ROBO2: variants seen among roughly 807,000 people sequenced by gnomAD.
ROBO2 encodes roundabout guidance receptor 2.
Under a neutral mutation model 160.8 loss-of-function variants are expected in ROBO2, and 53 were observed. That is an observed-to-expected ratio of 0.33 (90% CI 0.26 to 0.41). The LOEUF is 0.41. ROBO2 is among the 10% of genes least tolerant of loss of function. The pLI is 1.00. For synonymous variants in ROBO2, 664 were observed against 611.7 expected (o/e 1.09, Z -1.26); for missense variants, 1,577 against 1,722.4 (o/e 0.92, Z 1.49).
intron 2 of ROBO2, among the ~76,000 whole-genome samples, chr3:76,884,311 A>G (rs2073663258): frequency 6.6e-6 from 1 of 152,186 alleles, no homozygotes; most frequent in South Asian, 2.1e-4. Context: ...ATGCATAAAA[A>G]TTGTCATTTC....
Position 77,220,300 on chromosome 3 carries a change from G to T in ROBO2, c.388+121960G>T, listed in dbSNP as rs1192016007. On this transcript the variant is annotated intron_variant, in intron 2 of 25. Transcript: ENST00000461745. ...GCTGAGATTACAGGCATGAGCCACT[G>T]CGCCTGGCCGAGAAAACATACTATA... 2.0e-5 allele frequency among the ~76,000 whole-genome samples: 3 copies of T among 152,198 alleles called. No homozygotes were observed. The East Asian group carries it at 5.8e-4, about 29-fold the overall frequency.
intron 2 of ROBO2, among the ~76,000 whole-genome samples, chr3:76,240,098 G>C (rs1005532676): frequency 6.6e-6 from 1 of 152,116 alleles, no homozygotes; most frequent in African/African-American, 2.4e-5. Context: ...GAGTGGAGTA[G>C]TATTTACAAG....
intron 2 of ROBO2, among the ~76,000 whole-genome samples, chr3:77,013,569 T>C (rs1260161229): frequency 6.6e-6 from 1 of 152,170 alleles, no homozygotes; most frequent in Non-Finnish European, 1.5e-5. Context: ...ATGAATCCTG[T>C]AGGTAGAAAC....
chr3:76,126,320 T>C (rs1576963619), intron 2 of ROBO2, among the ~76,000 whole-genome samples: 1 of 152,152 alleles, frequency 6.6e-6, no homozygotes, highest in African/African-American at 2.4e-5. Context: ...TAGGAGTCCT[T>C]ATTTTATGCT....
intron 2 of ROBO2, among the ~76,000 whole-genome samples, chr3:76,136,850 A>G (rs577572502): frequency 6.6e-6 from 1 of 152,218 alleles, no homozygotes; most frequent in Non-Finnish European, 1.5e-5. Flanking sequence ...CTAGCTTTCC[A>G]GTCACCGTCA....
chr3:77,040,048 G>GGCCCCGGCC, exon 1 of ROBO2: 1 of 172,796 alleles, frequency 5.8e-6, no homozygotes, highest in Non-Finnish European at 1.1e-5. Flanking sequence ...CCTCCGCCCG[G>GGCCCCGGCC]CCCCTCCCTC....
intron 2 of ROBO2, among the ~76,000 whole-genome samples, chr3:77,145,761 G>A (rs2077070885): frequency 6.6e-6 from 1 of 152,136 alleles, no homozygotes; most frequent in Non-Finnish European, 1.5e-5. Context: ...TTCTGTCACA[G>A]CAAATGCCAT....
chr3:76,645,894 G>C (rs931108957), intron 2 of ROBO2, among the ~76,000 whole-genome samples: 1 of 152,132 alleles, frequency 6.6e-6, no homozygotes, highest in Non-Finnish European at 1.5e-5. Context: ...CATGTATTGT[G>C]TACAAGGAGC....
intron 2 of ROBO2, among the ~76,000 whole-genome samples, chr3:77,269,224 G>A (rs899202923): frequency 2.0e-5 from 3 of 152,048 alleles, no homozygotes; most frequent in African/African-American, 7.2e-5. Context: ...GTGTCAAAAT[G>A]TTCATTTATG....
intron 2 of ROBO2, among the ~76,000 whole-genome samples, chr3:76,786,002 A>C (rs1576609048): frequency 6.6e-6 from 1 of 151,342 alleles, no homozygotes; most frequent in East Asian, 1.9e-4. Context: ...GTCCTAATCA[A>C]GTTCCTGATA....
intron 2 of ROBO2, among the ~76,000 whole-genome samples, chr3:77,180,428 A>G (rs866510640): frequency 3.1e-4 from 35 of 111,712 alleles, no homozygotes; most frequent in African/African-American, 8.5e-4. Context: ...ATATATATAT[A>G]TATGTATTTT....
At chr3:76,428,747 A>G (rs1452347791) in intron 2 of ROBO2, among the ~76,000 whole-genome samples, 1 of 152,202 alleles carries the variant, frequency 6.6e-6, no homozygotes, top group Non-Finnish European at 1.5e-5. Flanking sequence ...TACTTGGGAT[A>G]GAACTTTGAG....
intron 2 of ROBO2, among the ~76,000 whole-genome samples, chr3:76,466,592 T>C (rs2106922691): frequency 6.6e-6 from 1 of 152,182 alleles, no homozygotes; most frequent in South Asian, 2.1e-4. Flanking sequence ...TCAATATTTT[T>C]ATTTATATTC....
intron 2 of ROBO2, among the ~76,000 whole-genome samples, chr3:77,302,125 A>G (rs189854303): frequency 1.3e-5 from 2 of 150,752 alleles, no homozygotes; most frequent in African/African-American, 4.9e-5. Context: ...TTTTTTCCAT[A>G]GAAATAGCAT....
chr3:77,297,032 T>C (rs2062205790), intron 2 of ROBO2, among the ~76,000 whole-genome samples: 1 of 149,422 alleles, frequency 6.7e-6, no homozygotes. Context: ...ATGGAGAAAC[T>C]AAAAATTTTT....
chr3:77,377,605 A>G (rs924550535), intron 2 of ROBO2, among the ~76,000 whole-genome samples: 3 of 152,188 alleles, frequency 2.0e-5, no homozygotes, highest in African/African-American at 2.4e-5. Context: ...ACACAAGTCA[A>G]TAATGTCCCC....
At chr3:76,504,519 C>CTTTTTT (rs57591523) in intron 2 of ROBO2, among the ~76,000 whole-genome samples, 1 of 73,520 alleles carries the variant, frequency 1.4e-5, no homozygotes, top group East Asian at 4.7e-4. Flanking sequence ...AGAAAATACT[C>CTTTTTT]TTTTTTTTTT....
At chr3:76,412,334 C>T (rs2108844473) in intron 2 of ROBO2, among the ~76,000 whole-genome samples, 1 of 152,246 alleles carries the variant, frequency 6.6e-6, no homozygotes, top group East Asian at 1.9e-4. Context: ...TCATTCTGCC[C>T]CTGGCCCCTC....
At chr3:77,038,681 C>G (rs972136443), upstream of ROBO2, among the ~76,000 whole-genome samples, 3 of 152,154 alleles carry the variant, frequency 2.0e-5, no homozygotes, top group Admixed American at 6.5e-5. Flanking sequence ...CGGCTACCAG[C>G]GAGCCTGTGA....
Sources: allele counts gnomAD v4.1 joint callset (sites outside exome capture counted in the v4.1 genomes callset), GRCh38; gene constraint gnomAD v4.1.1; transcripts MANE v1.5; gene names NCBI Gene and HGNC (gene_info 2026-07-23, HGNC 2026-07-21).